TRIO: variants seen among roughly 807,000 people sequenced by gnomAD.
TRIO encodes triple functional domain protein.
In TRIO, 58 loss-of-function variants were observed where a neutral mutation model predicts 351.9. That is an observed-to-expected ratio of 0.16 (90% CI 0.13 to 0.21). TRIO has a LOEUF of 0.21. Ranked by LOEUF, TRIO falls within the 10% of genes least tolerant of loss-of-function variation. The pLI is 1.00. For synonymous variants in TRIO, 1,758 were observed against 1,595.7 expected, an observed-to-expected ratio of 1.10 and a Z score of -2.42; for missense variants, 3,201 against 4,027.8, an observed-to-expected ratio of 0.79 and a Z score of 5.56.
chr5:14,387,191 T>G (rs1458169045), intron 21 of TRIO, among the ~76,000 whole-genome samples: 1 of 152,250 alleles, frequency 6.6e-6, no homozygotes, highest in Non-Finnish European at 1.5e-5. Flanking sequence ...AAGACGTTGC[T>G]GAAAAATAGT....
At chr5:14,440,037 T>A (rs1283450240) in intron 34 of TRIO, among the ~76,000 whole-genome samples, 1 of 152,194 alleles carries the variant, frequency 6.6e-6, no homozygotes, top group Non-Finnish European at 1.5e-5. Context: ...AACCAAAATT[T>A]TAACTTTTTT....
Position 14,498,075 on chromosome 5 carries a change from C to T in TRIO, c.8048-14C>T. The T allele has an allele frequency of 1.2e-6, 2 of 1,614,072 alleles. No individual in the cohort carries two copies. Among genetic ancestry groups the T allele is most frequent in the Non-Finnish European group, 1.7e-6 (2 of 1,179,994 alleles). The stretch of plus-strand genomic sequence containing the variant: ...CAGGGCTGATGGGCCTTTACCGACT[C>T]CTTTCCCATGCAGTTCCCCCAGAAT... On this transcript the variant is annotated splice_polypyrimidine_tract_variant and intron_variant, in intron 51 of 56. Transcript: ENST00000344204.
chr5:14,175,054 AT>A (rs940966726), intron 1 of TRIO, among the ~76,000 whole-genome samples: 4 of 151,942 alleles, frequency 2.6e-5, no homozygotes, highest in East Asian at 1.9e-4. Context: ...GATCATTACT[AT>A]TTTTTTTAGA....
intron 11 of TRIO, among the ~76,000 whole-genome samples, chr5:14,354,332 A>G (rs993420031): frequency 6.6e-6 from 1 of 152,178 alleles, no homozygotes; most frequent in Non-Finnish European, 1.5e-5. Flanking sequence ...TGTTTTCTCA[A>G]CAGATTTAAA....
intron 33 of TRIO, among the ~76,000 whole-genome samples, chr5:14,417,003 G>A (rs902232455): frequency 2.0e-5 from 3 of 152,194 alleles, no homozygotes; most frequent in Non-Finnish European, 4.4e-5. Flanking sequence ...GGTCCAAGGG[G>A]CCATGGCAAT....
At chr5:14,300,351 A>G (rs1199842226) in intron 7 of TRIO, among the ~76,000 whole-genome samples, 1 of 152,274 alleles carries the variant, frequency 6.6e-6, no homozygotes, top group Non-Finnish European at 1.5e-5. Context: ...GAAGCTACTC[A>G]GAGTTAAATA....
At position 14,487,948 on chromosome 5, in the gene TRIO, C is replaced by T. The variant is rs1756097915; in HGVS notation, c.7320C>T (p.Ser2440=). The T allele has an allele frequency of 1.9e-6, 3 of 1,548,604 alleles. No homozygotes were observed. The East Asian group carries it at 7.3e-5, about 38-fold the overall frequency. Residue 2440 remains serine (S), a synonymous_variant, in exon 48 of 57, where the codon AGC becomes AGT. Transcript: ENST00000344204. The part of the protein sequence containing the change: ...PDAPAKDARA[S]LGTLPLGKPR... ...CCCCCGCCAAGGACGCGCGCGCTAG[C>T]CTGGGCACCCTGCCGCTTGGGAAGC...
intron 41 of TRIO, 96 bp from the exon 42 acceptor site, chr5:14,479,165 G>A: frequency 9.9e-7 from 1 of 1,009,834 alleles, no homozygotes; most frequent in Non-Finnish European, 1.6e-6. Context: ...TTTAAGATGA[G>A]TGCCTTTATG....
At position 14,242,338 on chromosome 5, in the gene TRIO, T is replaced by G. The variant is rs1794177613; in HGVS notation, c.158-28487T>G. Among the ~76,000 whole-genome samples the G allele has an allele frequency of 1.3e-5, 2 of 152,248 alleles. 1 individual carries two copies. Among genetic ancestry groups the G allele is most frequent in the African/African-American group, 4.8e-5 (2 of 41,464 alleles). The stretch of plus-strand genomic sequence containing the variant: ...AAAGACATGCTAAATCATCTTAACC[T>G]ACAAATCTGAGTGCAGAATAAAGAT... On this transcript the variant is annotated intron_variant, in intron 1 of 56. Coordinates refer to ENST00000344204, the MANE Select transcript of TRIO (RefSeq NM_007118.4).
At chr5:14,382,328 T>C (rs1746176207) in intron 21 of TRIO, among the ~76,000 whole-genome samples, 1 of 152,228 alleles carries the variant, frequency 6.6e-6, no homozygotes, top group African/African-American at 2.4e-5. Context: ...TGTTTTCTGT[T>C]ACTGTTACTG....
chr5:14,475,420 G>A (rs1375084430), intron 40 of TRIO, among the ~76,000 whole-genome samples: 2 of 152,214 alleles, frequency 1.3e-5, no homozygotes, highest in Non-Finnish European at 1.5e-5. Flanking sequence ...TGCAGAAGCA[G>A]ATGGGAATAT....
At chr5:14,147,316 T>C (rs1011982392) in intron 1 of TRIO, among the ~76,000 whole-genome samples, 5 of 152,164 alleles carry the variant, frequency 3.3e-5, no homozygotes, top group African/African-American at 1.2e-4. Context: ...CCTGGTCGCT[T>C]CTCATAGCCA....
At chr5:14,248,453 G>A (rs1252138164) in intron 1 of TRIO, among the ~76,000 whole-genome samples, 3 of 152,198 alleles carry the variant, frequency 2.0e-5, no homozygotes, top group Admixed American at 6.5e-5. Flanking sequence ...TGATCCATTC[G>A]TTACTTGAAT....
At chr5:14,250,132 C>G (rs114915766) in intron 1 of TRIO, among the ~76,000 whole-genome samples, 1 of 152,306 alleles carries the variant, frequency 6.6e-6, no homozygotes, top group Non-Finnish European at 1.5e-5. Flanking sequence ...CCCTCTGTAG[C>G]GCAGCCCTGT....
At chr5:14,231,724 TA>T (rs1402740574) in intron 1 of TRIO, among the ~76,000 whole-genome samples, 2 of 152,220 alleles carry the variant, frequency 1.3e-5, no homozygotes, top group African/African-American at 4.8e-5. Flanking sequence ...AAACTTTTAT[TA>T]TTCAAAGTTA....
At chr5:14,309,512 C>T (rs1042228444) in intron 8 of TRIO, among the ~76,000 whole-genome samples, 5 of 152,190 alleles carry the variant, frequency 3.3e-5, no homozygotes, top group African/African-American at 1.2e-4. Flanking sequence ...TTTTATATTC[C>T]TAAATCAGTG....
chr5:14,386,089 T>C (rs77587216), intron 21 of TRIO, among the ~76,000 whole-genome samples: 2,444 of 152,276 alleles, frequency 0.016, 61 homozygotes, highest in African/African-American at 0.055. Flanking sequence ...AGGCCATACA[T>C]GCTATGGGAA....
chr5:14,421,223 A>ATTAT, intron 34 of TRIO, among the ~76,000 whole-genome samples: 1 of 118,770 alleles, frequency 8.4e-6, no homozygotes, highest in Non-Finnish European at 1.6e-5. Context: ...TTAATTATTT[A>ATTAT]TTTATTTATT....
chr5:14,410,417 T>A (rs1749100303), intron 33 of TRIO, among the ~76,000 whole-genome samples: 1 of 152,194 alleles, frequency 6.6e-6, no homozygotes, highest in Non-Finnish European at 1.5e-5. Flanking sequence ...CCCTAGTCAG[T>A]CTGCAAAATG....
Sources: gnomAD v4.1 joint callset for allele counts (sites outside exome capture counted in the v4.1 genomes callset) on GRCh38, gnomAD v4.1.1 for gene constraint, MANE v1.5 for transcripts, NCBI Gene and HGNC (gene_info 2026-07-23, HGNC 2026-07-21) for gene names.